The following VPS8 variants were observed in gnomAD, a reference collection of about 807,000 sequenced individuals.
VPS8 encodes the protein VPS8 subunit of CORVET complex, also known as vacuolar protein sorting-associated protein 8 homolog.
A neutral mutation model predicts 216.4 loss-of-function variants in VPS8; 129 were observed. The ratio of observed to expected loss-of-function variants is 0.60; its 90% confidence interval spans 0.52 to 0.69. VPS8 has a LOEUF of 0.69. Ranked by LOEUF, VPS8 falls within the 30% of genes least tolerant of loss-of-function variation. The pLI is 0.00. For missense variants in VPS8, 1,531 were observed against 1,683.5 expected, an observed-to-expected ratio of 0.91 and a Z score of 1.59; for synonymous variants, 571 against 565.4, an observed-to-expected ratio of 1.01 and a Z score of -0.14.
At chr3:184,975,184 A>T (rs1050435924) in intron 40 of VPS8, among the ~76,000 whole-genome samples, 3 of 152,094 alleles carry the variant, frequency 2.0e-5, no homozygotes, top group African/African-American at 7.2e-5. Context: ...ATCCATGAGC[A>T]TGGGATGTCT....
intron 42 of VPS8, among the ~76,000 whole-genome samples, chr3:184,992,866 T>C (rs1752090170): frequency 6.6e-6 from 1 of 152,108 alleles, no homozygotes; most frequent in African/African-American, 2.4e-5. Flanking sequence ...TTTGGCAGTA[T>C]ATATTGATAG....
intron 45 of VPS8, among the ~76,000 whole-genome samples, chr3:185,006,582 G>A (rs1004260257): frequency 3.9e-5 from 6 of 152,172 alleles, no homozygotes; most frequent in African/African-American, 1.4e-4. Flanking sequence ...AATTTAAAAT[G>A]AAAATACTAA....
At position 184,852,556 on chromosome 3, in the gene VPS8, A is replaced by G. The variant is rs1465847086; in HGVS notation, c.810A>G (p.Glu270=). The G allele has an allele frequency of 1.9e-6, 3 of 1,613,478 alleles. No individual in the cohort carries two copies. The highest frequency in any genetic ancestry group is 2.5e-6 in the Non-Finnish European group (3 of 1,179,680). ...ACGACAGCGGAGGCTCTGTTTTTGAATTGACATTTAAGTAAGAGACTAGTG... is the reference window on the plus strand; with the variant it reads ...ACGACAGCGGAGGCTCTGTTTTTGAGTTGACATTTAAGTAAGAGACTAGTG... ...ICNDSGGSVF[E]LTFKRVMGVR... is the part of the protein sequence containing the mutation. The change falls in exon 11 of 48, where the codon GAA becomes GAG. Residue 270 remains glutamate, a synonymous_variant. Transcript: ENST00000625842.
intron 42 of VPS8, among the ~76,000 whole-genome samples, chr3:184,990,910 G>T (rs1035824645): frequency 8.6e-6 from 1 of 116,886 alleles, no homozygotes; most frequent in African/African-American, 2.9e-5. Context: ...TGATGCCTGG[G>T]ACCCAAATTA....
At chr3:185,009,485 A>G (rs969622028) in intron 45 of VPS8, among the ~76,000 whole-genome samples, 1 of 152,208 alleles carries the variant, frequency 6.6e-6, no homozygotes, top group Admixed American at 6.5e-5. Flanking sequence ...GCATATTTGT[A>G]TAAGTCCACA....
At chr3:184,849,007 C>A in intron 8 of VPS8, 64 bp from the exon 9 acceptor site, 1 of 1,575,270 alleles carries the variant, frequency 6.3e-7, no homozygotes, top group Non-Finnish European at 8.7e-7. Context: ...GAAAGCATGC[C>A]TGTACTCGAT....
intron 7 of VPS8, among the ~76,000 whole-genome samples, chr3:184,840,708 C>T (rs1721973406): frequency 6.6e-6 from 1 of 151,866 alleles, no homozygotes; most frequent in South Asian, 2.1e-4. Flanking sequence ...TGAGACTCCA[C>T]CTCAAAAAAA....
At chr3:185,046,975 G>C (rs1394143006) in intron 46 of VPS8, among the ~76,000 whole-genome samples, 1 of 152,224 alleles carries the variant, frequency 6.6e-6, no homozygotes, top group Non-Finnish European at 1.5e-5. Flanking sequence ...CTCTGTGCAA[G>C]CACAGTACTG....
intron 45 of VPS8, among the ~76,000 whole-genome samples, chr3:185,019,249 A>G (rs1429984238): frequency 6.6e-6 from 1 of 151,792 alleles, no homozygotes; most frequent in Non-Finnish European, 1.5e-5. Flanking sequence ...CACTCCGGCG[A>G]CCCTTCAACC....
intron 22 of VPS8, among the ~76,000 whole-genome samples, chr3:184,894,368 G>A (rs1001748268): frequency 2.0e-5 from 3 of 151,956 alleles, no homozygotes; most frequent in South Asian, 4.1e-4. Context: ...GATTTAGGCC[G>A]GAAGGCTGGG....
At chr3:184,915,183 A>C in intron 27 of VPS8, 130 bp downstream of exon 27, 3 of 1,325,892 alleles carry the variant, frequency 2.3e-6, no homozygotes, top group Non-Finnish European at 3.1e-6. Context: ...CTTACACACT[A>C]TTACTAAAGT....
rs1737379323 is a variant in VPS8, at chr3:184,915,428, C to T, written c.2336C>T (p.Thr779Ile). Reference protein sequence around the residue: ...PEEEIYPYIRTLLHFDTREFL... With the variant: ...PEEEIYPYIRILLHFDTREFL... ...GAAGAAATCTATCCTTACATTCGGACTTTGCTACATTTTGACACAAGAGAA... is the reference window on the plus strand; with the variant it reads ...GAAGAAATCTATCCTTACATTCGGATTTTGCTACATTTTGACACAAGAGAA... Residue 779 changes from threonine (T) to isoleucine (I), a missense_variant, in exon 28 of 48, where the codon ACT (threonine) becomes ATT (isoleucine). By Grantham distance (89) the Thr-to-Ile change is moderately conservative. This residue lies in a region of VPS8 where 1,318 missense variants were observed against 1,468.4 expected (regional missense o/e 0.90). Transcript: ENST00000625842. 6.2e-7 allele frequency: 1 copy of T among 1,613,872 alleles called. No individual in the cohort carries two copies. Among genetic ancestry groups the T allele is most frequent in the Admixed American group, 1.7e-5 (1 of 60,014 alleles).
intron 45 of VPS8, among the ~76,000 whole-genome samples, chr3:185,010,314 A>G (rs970308472): frequency 6.6e-6 from 1 of 152,228 alleles, no homozygotes; most frequent in South Asian, 2.1e-4. Flanking sequence ...CCAATACCCA[A>G]CAAGATAGAA....
intron 45 of VPS8, among the ~76,000 whole-genome samples, chr3:185,013,801 GA>G (rs1755391176): frequency 6.6e-6 from 1 of 152,182 alleles, no homozygotes; most frequent in Admixed American, 6.5e-5. Context: ...CAGACCAGCT[GA>G]ACACAGTGTG....
intron 20 of VPS8, among the ~76,000 whole-genome samples, chr3:184,870,054 A>C (rs1328727239): frequency 2.6e-5 from 4 of 152,196 alleles, no homozygotes; most frequent in African/African-American, 9.7e-5. Flanking sequence ...AATCTGGATT[A>C]TTTCTGAACC....
At chr3:185,023,063 C>T (rs1403971513) in intron 45 of VPS8, among the ~76,000 whole-genome samples, 2 of 152,168 alleles carry the variant, frequency 1.3e-5, no homozygotes, top group Non-Finnish European at 2.9e-5. Context: ...ACTCATGAAT[C>T]TGTCACCACA....
At chr3:184,865,655 C>T (rs559561427) in intron 16 of VPS8, among the ~76,000 whole-genome samples, 6 of 152,224 alleles carry the variant, frequency 3.9e-5, no homozygotes, top group East Asian at 3.9e-4. Flanking sequence ...ACTAAAATGG[C>T]GCAAATGCTG....
chr3:184,964,538 C>G lies in VPS8; in HGVS notation c.3254C>G (p.Ala1085Gly). 6.6e-7 allele frequency: 1 copy of G among 1,515,006 alleles called. No individual in the cohort carries two copies. Among genetic ancestry groups the G allele is most frequent in the Non-Finnish European group, 8.9e-7 (1 of 1,125,136 alleles). The allele number at this position is 1,515,006 out of a possible 1,614,324, so 93.8% of individuals were successfully genotyped here. A position where few individuals can be genotyped will look rare whatever the true frequency, so the allele number is the denominator to read the frequency against. The change falls in exon 38 of 48, where the codon GCC (alanine) becomes GGC (glycine). Residue 1085 changes from alanine to glycine, a missense_variant. This residue lies in a region of VPS8 where 1,318 missense variants were observed against 1,468.4 expected (regional missense o/e 0.90). Coordinates refer to ENST00000625842, the MANE Select transcript of VPS8 (RefSeq NM_001009921.3). ...LLEKKGDIHG[A>G]FLIMLERLQS... ...GAAAAGAAAGGAGATATTCATGGTG[C>G]CTTCCTAATAATGTTAGAGGTAACA...
chr3:184,840,073 G>A, intron 7 of VPS8: 1 of 267,332 alleles, frequency 3.7e-6, no homozygotes, highest in Non-Finnish European at 6.1e-6. Context: ...TTGGTGGTGG[G>A]GATTTTTGAT....
Sources: allele counts gnomAD v4.1 joint callset (sites outside exome capture counted in the v4.1 genomes callset), GRCh38; gene constraint gnomAD v4.1.1; regional missense constraint gnomAD v4.1.1; transcripts MANE v1.5; gene names NCBI Gene and HGNC (gene_info 2026-07-23, HGNC 2026-07-21).